RADIL: variants seen among roughly 807,000 people sequenced by gnomAD.
RADIL encodes the protein ras-associating and dilute domain-containing protein.
In RADIL, 99 loss-of-function variants were observed where a neutral mutation model predicts 97.6. The ratio of observed to expected loss-of-function variants is 1.01; its 90% CI spans 0.86 to 1.20. RADIL has a LOEUF of 1.20. Ranked by LOEUF, RADIL falls within the 50% of genes most tolerant of loss-of-function variation. The pLI is 0.00. For missense variants in RADIL, 1,765 were observed against 1,498.9 expected (o/e 1.18, Z -2.93); for synonymous variants, 803 against 691.8 (o/e 1.16, Z -2.52).
chr7:4,865,518 A>G, intron 2 of RADIL: 1 of 782,832 alleles, frequency 1.3e-6, no homozygotes, highest in Non-Finnish European at 2.4e-6. Context: ...AACTATGCGC[A>G]GCCAATATTC....
chr7:4,826,507 T>G (rs953162198), intron 5 of RADIL, among the ~76,000 whole-genome samples: 4 of 149,788 alleles, frequency 2.7e-5, no homozygotes, highest in Non-Finnish European at 5.9e-5. Flanking sequence ...CTGAGGCGGG[T>G]GGATCATGTG....
chr7:4,882,970 C>G (rs1784515579), intron 1 of RADIL, among the ~76,000 whole-genome samples: 1 of 152,322 alleles, frequency 6.6e-6, no homozygotes, highest in South Asian at 2.1e-4. Flanking sequence ...CAGGCTCCTC[C>G]TGCGAGGCCC....
In RADIL at chr7:4,854,416, G is replaced by A. The variant is rs532838961; in HGVS notation, c.536-17811C>T. Reference sequence around the variant, plus strand: ...GATAAAGAGGTTACCACTTTGGGCCGGGCGCGGTGGCTCACGCCTGTAATC... The same window carrying A: ...GATAAAGAGGTTACCACTTTGGGCCAGGCGCGGTGGCTCACGCCTGTAATC... On this transcript the variant is annotated intron_variant, in intron 2 of 14. Transcript: ENST00000399583. This position sits in a 1 kb window ranked among gnomAD's most constrained non-coding sequence, Gnocchi z 5.1. Among the ~76,000 whole-genome samples the A allele has an allele frequency of 6.6e-5, 10 of 152,284 alleles. No homozygotes were observed. In the East Asian group the frequency reaches 1.4e-3, roughly 21 times the overall value.
intron 2 of RADIL, among the ~76,000 whole-genome samples, chr7:4,856,542 G>A (rs893839482): frequency 2.6e-5 from 4 of 151,874 alleles, no homozygotes; most frequent in East Asian, 1.9e-4. Context: ...TACTTTTCAC[G>A]GTTCATTATC....
intron 2 of RADIL, among the ~76,000 whole-genome samples, chr7:4,845,038 G>A (rs1348045153): frequency 4.7e-5 from 5 of 105,612 alleles, no homozygotes; most frequent in East Asian, 2.4e-4. Context: ...TTTGACCTAC[G>A]TAGGAAAAAA....
At chr7:4,857,447 T>TG (rs1783860597) in intron 2 of RADIL, among the ~76,000 whole-genome samples, 1 of 152,246 alleles carries the variant, frequency 6.6e-6, no homozygotes. Flanking sequence ...CAGTTATACT[T>TG]GGTTTCATTT....
chr7:4,824,564 T>G lies in RADIL; in HGVS notation c.1455-2010A>C, dbSNP rs1211162797. Reference sequence around the variant, plus strand: ...CCCCGGTACCCAAAGTGTTGCCTGCTCTCTCTGACGTCACTTCACTTTTGT... The same window carrying G: ...CCCCGGTACCCAAAGTGTTGCCTGCGCTCTCTGACGTCACTTCACTTTTGT... On this transcript the variant is annotated intron_variant, in intron 5 of 14. Transcript: ENST00000399583. The surrounding 1 kb of genome is among the most constrained non-coding windows in gnomAD (Gnocchi z 6.7). Among the ~76,000 whole-genome samples the G allele has an allele frequency of 7.2e-6, 1 of 139,058 alleles. No individual in the cohort carries two copies. Among genetic ancestry groups the G allele is most frequent in the Non-Finnish European group, 1.6e-5 (1 of 64,222 alleles). The allele number at this position is 139,058 out of a possible 152,430, so 91.2% of individuals were successfully genotyped here.
chr7:4,848,215 T>TTAA (rs1783622841), intron 2 of RADIL, among the ~76,000 whole-genome samples: 3 of 93,508 alleles, frequency 3.2e-5, no homozygotes, highest in Non-Finnish European at 6.4e-5. Context: ...AGACCCCGTC[T>TTAA]CAAAAAAAAA....
chr7:4,844,209 G>A (rs1783514677), intron 2 of RADIL, among the ~76,000 whole-genome samples: 1 of 152,126 alleles, frequency 6.6e-6, no homozygotes, highest in Non-Finnish European at 1.5e-5. Flanking sequence ...CACTTTGGAG[G>A]CCGAGGCAGG....
At chr7:4,827,660 C>CA (rs1397499664) in intron 5 of RADIL, among the ~76,000 whole-genome samples, 6 of 151,996 alleles carry the variant, frequency 3.9e-5, no homozygotes, top group Non-Finnish European at 8.8e-5. Flanking sequence ...GTCTCCATCG[C>CA]AAAAACGAAC....
At chr7:4,876,483 T>C (rs527839559) in intron 2 of RADIL, among the ~76,000 whole-genome samples, 1 of 152,074 alleles carries the variant, frequency 6.6e-6, no homozygotes, top group Non-Finnish European at 1.5e-5. Context: ...GTATTTTTAG[T>C]AGATACGGGG....
At chr7:4,820,933 G>A (rs994337609) in intron 6 of RADIL, among the ~76,000 whole-genome samples, 4 of 152,194 alleles carry the variant, frequency 2.6e-5, no homozygotes, top group African/African-American at 7.2e-5. Flanking sequence ...GCATGGGGGG[G>A]CACAGCAGGG....
In RADIL at chr7:4,822,615, C is replaced by T; in HGVS notation, c.1455-61G>A. On this transcript the variant is annotated intron_variant, in intron 5 of 14. Transcript: ENST00000399583. This position sits in a 1 kb window ranked among gnomAD's most constrained non-coding sequence, Gnocchi z 5.3. Reference sequence around the variant, plus strand: ...CCCGACCCTCAGGAGGCTGAATCTACCACTCTTTCTACATAAGGATGCGCG... The same window carrying T: ...CCCGACCCTCAGGAGGCTGAATCTATCACTCTTTCTACATAAGGATGCGCG... The T allele has an allele frequency of 2.6e-6, 4 of 1,558,862 alleles. No individual in the cohort carries two copies. The highest frequency in any genetic ancestry group is 2.2e-5 in the East Asian group (1 of 44,586).
intron 9 of RADIL, among the ~76,000 whole-genome samples, chr7:4,812,863 C>T (rs750871668): frequency 1.3e-5 from 2 of 152,318 alleles, no homozygotes; most frequent in East Asian, 1.9e-4. Context: ...TCTTTCTTAC[C>T]TCATGATTAT....
chr7:4,865,088 T>G (rs1216475370), intron 2 of RADIL, among the ~76,000 whole-genome samples: 1 of 152,236 alleles, frequency 6.6e-6, no homozygotes, highest in African/African-American at 2.4e-5. Flanking sequence ...CTGTTCTGTC[T>G]GACCAGAATG....
chr7:4,849,711 G>C lies in RADIL; in HGVS notation c.536-13106C>G, dbSNP rs990233371. ...GACAAAGAAAATGATACTGTGTGGG[G>C]AGTGTGGACAGGGACGGCTCTCATT... is the stretch of plus-strand genomic sequence containing the variant. On this transcript the variant is annotated intron_variant, in intron 2 of 14. Coordinates refer to ENST00000399583, the MANE Select transcript of RADIL (RefSeq NM_018059.5). This position sits in a 1 kb window ranked among gnomAD's most constrained non-coding sequence, Gnocchi z 5.4. 2.0e-5 allele frequency among the ~76,000 whole-genome samples: 3 copies of C among 152,168 alleles called. No individual in the cohort carries two copies. The highest frequency in any genetic ancestry group is 2.0e-4 in the Admixed American group (3 of 15,272).
chr7:4,817,140 G>T lies in RADIL; in HGVS notation c.1728+99C>A. 9.6e-7 allele frequency: 1 copy of T among 1,041,082 alleles called. No individual in the cohort carries two copies. The highest frequency in any genetic ancestry group is 1.4e-6 in the Non-Finnish European group (1 of 705,248). 64.5% of individuals were successfully genotyped at this position (1,041,082 alleles called of 1,614,324 possible). A position where few individuals can be genotyped will look rare whatever the true frequency, so the allele number is the denominator to read the frequency against. On this transcript the variant is annotated intron_variant, in intron 7 of 14. Coordinates refer to ENST00000399583, the MANE Select transcript of RADIL (RefSeq NM_018059.5). This position sits in a 1 kb window ranked among gnomAD's most constrained non-coding sequence, Gnocchi z 8.3. Reference sequence around the variant, plus strand: ...GAGCTTGTCACGGTCCCCTCCCTCAGCCCCCCAGAAGGCTCCTTAGGAGAG... The same window carrying T: ...GAGCTTGTCACGGTCCCCTCCCTCATCCCCCCAGAAGGCTCCTTAGGAGAG...
Position 4,834,006 on chromosome 7 carries a change from C to G in RADIL, c.1416+601G>C, listed in dbSNP as rs957210783. On this transcript the variant is annotated intron_variant, in intron 4 of 14. Coordinates refer to ENST00000399583, the MANE Select transcript of RADIL (RefSeq NM_018059.5). The surrounding 1 kb of genome is among the most constrained non-coding windows in gnomAD (Gnocchi z 6.0). ...TGCTGAATCCTCTGCAATGCACAGG[C>G]CAGCCTCACAGCAAGGAGCTCTCCT... Among the ~76,000 whole-genome samples, 1 of 152,080 alleles carries G rather than the reference C, an allele frequency of 6.6e-6. No individual in the cohort carries two copies. Among genetic ancestry groups the G allele is most frequent in the Non-Finnish European group, 1.5e-5 (1 of 68,008 alleles).
intron 2 of RADIL, among the ~76,000 whole-genome samples, chr7:4,866,884 G>A (rs1239083497): frequency 3.3e-5 from 5 of 152,230 alleles, no homozygotes; most frequent in Admixed American, 1.3e-4. Flanking sequence ...TGTGCTCACC[G>A]TAGTAAATGA....
Sources: gnomAD v4.1 joint callset for allele counts (sites outside exome capture counted in the v4.1 genomes callset) on GRCh38, gnomAD v4.1.1 for gene constraint, Gnocchi (gnomAD v3.1) non-coding constraint, MANE v1.5 for transcripts, NCBI Gene and HGNC (gene_info 2026-07-23, HGNC 2026-07-21) for gene names.